KLF12: variants seen among roughly 807,000 people sequenced by gnomAD.
KLF12 encodes the protein KLF transcription factor 12.
A neutral mutation model predicts 37.8 loss-of-function variants in KLF12; 9 were observed. The observed-to-expected ratio is 0.24, with a 90% CI of 0.14 to 0.42. KLF12 has a LOEUF of 0.42. Among genes scored for constraint, KLF12 ranks in the 10% least tolerant of loss-of-function variants. The probability of loss-of-function intolerance (pLI) is 1.00; values close to 1 mark genes in which losing one functional copy is unlikely to be tolerated. For synonymous variants in KLF12, 208 were observed against 202.1 expected (o/e 1.03, Z -0.25); for missense variants, 411 against 516.0 (o/e 0.80, Z 1.97).
At chr13:74,132,534 C>A (rs1878319486) in intron 1 of KLF12, among the ~76,000 whole-genome samples, 1 of 152,106 alleles carries the variant, frequency 6.6e-6, no homozygotes, top group Non-Finnish European at 1.5e-5. Context: ...CCATACAGAA[C>A]GACACTTTAG....
the KLF12 span, among the ~76,000 whole-genome samples, chr13:74,165,029 A>G: frequency 6.6e-6 from 1 of 152,310 alleles, no homozygotes; most frequent in East Asian, 1.9e-4. Context: ...TTTACTGTAC[A>G]TTTGAAAATA....
the KLF12 span, among the ~76,000 whole-genome samples, chr13:74,249,956 A>G: frequency 6.6e-6 from 1 of 152,198 alleles, no homozygotes; most frequent in Admixed American, 6.5e-5. Context: ...GTCACTCAAC[A>G]GTGTCCAAAC....
At chr13:74,179,382 T>G in the KLF12 span, among the ~76,000 whole-genome samples, 1 of 152,196 alleles carries the variant, frequency 6.6e-6, no homozygotes, top group Non-Finnish European at 1.5e-5. Flanking sequence ...TCTTGGACAA[T>G]AGCATTGCAT....
chr13:73,789,848 T>C (rs1782721288), intron 5 of KLF12, among the ~76,000 whole-genome samples: 1 of 152,048 alleles, frequency 6.6e-6, no homozygotes, highest in South Asian at 2.1e-4. Flanking sequence ...GGTTTATTTT[T>C]TGTATTTTTA....
chr13:74,073,581 A>G (rs193142521), intron 1 of KLF12, among the ~76,000 whole-genome samples: 425 of 152,332 alleles, frequency 2.8e-3, no homozygotes, highest in Non-Finnish European at 5.2e-3. Flanking sequence ...TGGTGGCCAC[A>G]CAGAAGCTCC....
At chr13:73,994,322 C>CT (rs947328789) in intron 2 of KLF12, among the ~76,000 whole-genome samples, 3 of 152,076 alleles carry the variant, frequency 2.0e-5, no homozygotes, top group African/African-American at 7.2e-5. Flanking sequence ...ACCCTACTTA[C>CT]GAAATAGAGA....
At chr13:73,730,080 A>G (rs76949386) in intron 6 of KLF12, among the ~76,000 whole-genome samples, 114 of 152,266 alleles carry the variant, frequency 7.5e-4, no homozygotes, top group African/African-American at 2.7e-3. Flanking sequence ...CAAAAACTAC[A>G]TAAACCCATC....
chr13:74,295,436 A>G, the KLF12 span, among the ~76,000 whole-genome samples: 1 of 152,054 alleles, frequency 6.6e-6, no homozygotes. Flanking sequence ...TCTCTTCCCT[A>G]AGGAGCCTGA....
chr13:73,785,984 C>A (rs568420708), intron 5 of KLF12, among the ~76,000 whole-genome samples: 1 of 152,246 alleles, frequency 6.6e-6, no homozygotes, highest in East Asian at 1.9e-4. Flanking sequence ...TTCCCAGAGG[C>A]CTTTGCAACT....
intron 5 of KLF12, among the ~76,000 whole-genome samples, chr13:73,798,957 C>G (rs572021076): frequency 3.4e-4 from 52 of 152,276 alleles, no homozygotes; most frequent in African/African-American, 1.2e-3. Context: ...AAGACACCTG[C>G]ATGTGAATGT....
the KLF12 span, among the ~76,000 whole-genome samples, chr13:74,234,346 A>G: frequency 6.6e-6 from 1 of 152,210 alleles, no homozygotes; most frequent in Non-Finnish European, 1.5e-5. Flanking sequence ...CCTGGATTCA[A>G]ATCTGAACTC....
intron 1 of KLF12, among the ~76,000 whole-genome samples, chr13:74,106,157 G>A (rs950849543): frequency 2.0e-5 from 3 of 152,058 alleles, no homozygotes; most frequent in Non-Finnish European, 4.4e-5. Flanking sequence ...TCTATTAAAG[G>A]CTCCATGTAT....
chr13:73,878,710 T>C (rs1306527501), intron 3 of KLF12, among the ~76,000 whole-genome samples: 1 of 152,048 alleles, frequency 6.6e-6, no homozygotes, highest in African/African-American at 2.4e-5. Context: ...TGAGATTGGG[T>C]GTTCATAGAA....
At chr13:74,019,617 C>T (rs1892788926) in intron 1 of KLF12, among the ~76,000 whole-genome samples, 1 of 152,194 alleles carries the variant, frequency 6.6e-6, no homozygotes, top group Non-Finnish European at 1.5e-5. Flanking sequence ...TGTTACATCT[C>T]TTGTAATTAG....
chr13:74,064,909 T>G (rs569922391), intron 1 of KLF12, among the ~76,000 whole-genome samples: 11 of 152,326 alleles, frequency 7.2e-5, no homozygotes, highest in African/African-American at 2.6e-4. Context: ...CTTCCCATCA[T>G]ACTACTCTAA....
At chr13:73,706,313 A>C (rs1874944943) in intron 7 of KLF12, among the ~76,000 whole-genome samples, 1 of 152,216 alleles carries the variant, frequency 6.6e-6, no homozygotes, top group Admixed American at 6.5e-5. Flanking sequence ...GTCTTTTCTA[A>C]ATATAGGAAA....
chr13:74,039,856 C>G (rs1893355172), intron 1 of KLF12, among the ~76,000 whole-genome samples: 1 of 152,226 alleles, frequency 6.6e-6, no homozygotes, highest in Non-Finnish European at 1.5e-5. Flanking sequence ...ACACATAACA[C>G]TGTCCTGTCA....
chr13:74,002,993 T>C (rs1593821288), intron 1 of KLF12, among the ~76,000 whole-genome samples: 1 of 152,266 alleles, frequency 6.6e-6, no homozygotes, highest in Non-Finnish European at 1.5e-5. Flanking sequence ...TTTTACCATA[T>C]GGTTAACAAT....
chr13:74,247,069 T>C, the KLF12 span, among the ~76,000 whole-genome samples: 18 of 152,354 alleles, frequency 1.2e-4, no homozygotes, highest in African/African-American at 3.6e-4. Context: ...TAATAATGAA[T>C]TTTGAAGCAG....
Sources: gnomAD v4.1 joint callset for allele counts (sites outside exome capture counted in the v4.1 genomes callset) on GRCh38, gnomAD v4.1.1 for gene constraint, MANE v1.5 for transcripts, NCBI Gene and HGNC (gene_info 2026-07-23, HGNC 2026-07-21) for gene names.